PDZD2: variants seen among roughly 807,000 people sequenced by gnomAD.
The protein encoded by PDZD2 is PDZ domain containing 2.
In PDZD2, 90 loss-of-function variants were observed where a neutral mutation model predicts 220.7. The ratio of observed to expected loss-of-function variants is 0.41; its 90% CI spans 0.34 to 0.49. PDZD2 has a LOEUF of 0.49. Ranked by LOEUF, PDZD2 falls within the 20% of genes least tolerant of loss-of-function variation. The probability of loss-of-function intolerance (pLI) is 0.28; values close to 1 mark genes in which losing one functional copy is unlikely to be tolerated. For synonymous variants in PDZD2, 1,375 were observed against 1,450.5 expected, an observed-to-expected ratio of 0.95 and a Z score of 1.18; for missense variants, 3,174 against 3,608.5, an observed-to-expected ratio of 0.88 and a Z score of 3.08.
At chr5:31,866,264 GT>G (rs1275610399) in intron 2 of PDZD2, among the ~76,000 whole-genome samples, 1 of 152,068 alleles carries the variant, frequency 6.6e-6, no homozygotes, top group Non-Finnish European at 1.5e-5. Flanking sequence ...CTCTGAAATT[GT>G]TGGGATTACA....
intron 1 of PDZD2, among the ~76,000 whole-genome samples, chr5:31,680,955 A>T (rs936127568): frequency 1.3e-5 from 2 of 152,116 alleles, no homozygotes; most frequent in Admixed American, 1.3e-4. Context: ...GACTGTGGAC[A>T]CCCATTCTGG....
Position 32,087,136 on chromosome 5 carries a change from G to A in PDZD2, c.3688G>A (p.Asp1230Asn). 6.2e-7 allele frequency: 1 copy of A among 1,602,828 alleles called. No homozygotes were observed. Among genetic ancestry groups the A allele is most frequent in the South Asian group, 1.1e-5 (1 of 90,562 alleles). ...TGTTTACGTTCCCCACGTAGAACTG[G>A]ACAGCTCCTCAGACCTCATCTCTTC... ...ELGQQPMTEL[D>N]SSSDLISSPG... Residue 1230 changes from aspartate to asparagine, a missense_variant, in exon 20 of 25, where the codon GAC becomes AAC. Physicochemically the swap from Asp to Asn is conservative, Grantham distance 23. Around this residue, in one of 4 missense-constraint regions of PDZD2, gnomAD observed 1,861 missense variants for 2,001.0 expected, o/e 0.93. Coordinates refer to ENST00000438447, the MANE Select transcript of PDZD2 (RefSeq NM_178140.4). The surrounding 1 kb of genome is among the most constrained non-coding windows in gnomAD (Gnocchi z 4.0).
At chr5:32,008,412 C>A (rs1000319057) in intron 5 of PDZD2, among the ~76,000 whole-genome samples, 5 of 151,610 alleles carry the variant, frequency 3.3e-5, no homozygotes, top group Non-Finnish European at 7.4e-5. Context: ...CCCCAAGTAG[C>A]TGGGATTACA....
intron 2 of PDZD2, among the ~76,000 whole-genome samples, chr5:31,885,505 A>C (rs1740378853): frequency 6.6e-6 from 1 of 152,234 alleles, no homozygotes; most frequent in Admixed American, 6.5e-5. Flanking sequence ...AAATGGGGAC[A>C]AATGAAAACT....
At chr5:31,958,217 G>A (rs1186728234) in intron 2 of PDZD2, among the ~76,000 whole-genome samples, 1 of 151,700 alleles carries the variant, frequency 6.6e-6, no homozygotes, top group Non-Finnish European at 1.5e-5. Flanking sequence ...GGCATCATTT[G>A]TGAAATAGAG....
Position 32,024,703 on chromosome 5 carries a change from A to AAAGAAAG in PDZD2, c.1408-12526_1408-12525insGAAAGAA, listed in dbSNP as rs1561378486. Among the ~76,000 whole-genome samples the AAAGAAAG allele has an allele frequency of 1.4e-4, 19 of 140,282 alleles. 1 individual carries two copies. Among genetic ancestry groups the AAAGAAAG allele is most frequent in the South Asian group, 2.3e-4 (1 of 4,438 alleles). 92.0% of individuals were successfully genotyped at this position (140,282 alleles called of 152,430 possible). ...ATCTCAAAAAAAAAAAGAAAGAAAA[A>AAAGAAAG]AAAGAAAAGGAAAGAAAGAAACGTG... On this transcript the variant is annotated intron_variant, in intron 6 of 24. Coordinates refer to ENST00000438447, the MANE Select transcript of PDZD2 (RefSeq NM_178140.4).
At chr5:31,893,412 A>AT (rs1741243170) in intron 2 of PDZD2, among the ~76,000 whole-genome samples, 1 of 152,144 alleles carries the variant, frequency 6.6e-6, no homozygotes, top group African/African-American at 2.4e-5. Flanking sequence ...CTCTACAAAA[A>AT]ACAAAAATTA....
intron 2 of PDZD2, among the ~76,000 whole-genome samples, chr5:31,877,825 G>C (rs1739447935): frequency 6.6e-6 from 1 of 152,096 alleles, no homozygotes; most frequent in Non-Finnish European, 1.5e-5. Context: ...GAGCAGCTGG[G>C]ATTACAGGTG....
intron 2 of PDZD2, among the ~76,000 whole-genome samples, chr5:31,830,942 G>T (rs557466422): frequency 1.1e-4 from 17 of 152,314 alleles, no homozygotes; most frequent in Non-Finnish European, 2.4e-4. Context: ...TTCTGAAGTT[G>T]CTTCTTCTGA....
At chr5:32,094,534 G>A (rs914127109) in intron 21 of PDZD2, among the ~76,000 whole-genome samples, 3 of 152,032 alleles carry the variant, frequency 2.0e-5, no homozygotes, top group Non-Finnish European at 2.9e-5. Context: ...GAGGCGAGGA[G>A]AGAGGTTGGA....
chr5:31,731,986 T>C (rs1046073372), intron 1 of PDZD2, among the ~76,000 whole-genome samples: 2 of 152,232 alleles, frequency 1.3e-5, no homozygotes, highest in Non-Finnish European at 2.9e-5. Flanking sequence ...TTTGCTAGGA[T>C]CATGAAATCT....
chr5:31,831,782 C>T (rs546131018), intron 2 of PDZD2, among the ~76,000 whole-genome samples: 5 of 147,590 alleles, frequency 3.4e-5, no homozygotes, highest in South Asian at 4.3e-4. Context: ...GGCGTGGTGG[C>T]GCTCACCTGT....
intron 1 of PDZD2, among the ~76,000 whole-genome samples, chr5:31,703,973 CTCTT>C (rs1008362436): frequency 6.7e-6 from 1 of 148,840 alleles, no homozygotes; most frequent in Non-Finnish European, 1.5e-5. Flanking sequence ...CTCTCTCTCT[CTCTT>C]TCTTTCCTTT....
In PDZD2 at chr5:31,937,525, G is replaced by A. The variant is rs567618632; in HGVS notation, c.477-45630G>A. On this transcript the variant is annotated intron_variant, in intron 2 of 24. Coordinates refer to ENST00000438447, the MANE Select transcript of PDZD2 (RefSeq NM_178140.4). ...CTCATGCTGTGGTCATCCTCATGCC[G>A]TGGTGGCCACGTTTTGTGGCTTTGC... is the stretch of plus-strand genomic sequence containing the variant. Among the ~76,000 whole-genome samples, 8 of 152,320 alleles carry A rather than the reference G, an allele frequency of 5.3e-5. No homozygotes were observed. The South Asian group carries it at 1.0e-3, about 20-fold the overall frequency.
At position 31,712,412 on chromosome 5, in the gene PDZD2, C is replaced by T. The variant is rs529723334; in HGVS notation, c.-361+72975C>T. Among the ~76,000 whole-genome samples, 63 of 151,552 alleles carry T rather than the reference C, an allele frequency of 4.2e-4. 2 individuals are homozygous for T. The South Asian group carries it at 4.4e-3, about 11-fold the overall frequency. ...GAGACCTTGGCAATGAAGAGCTGGA[C>T]GACTGGGTTCAGCTGGGGCACTGGG... On this transcript the variant is annotated intron_variant, in intron 1 of 24. Transcript: ENST00000438447.
Position 32,090,079 on chromosome 5 carries a change from C to T in PDZD2, c.6631C>T (p.His2211Tyr), listed in dbSNP as rs539586729. 1.3e-5 allele frequency: 21 copies of T among 1,613,694 alleles called. No homozygotes were observed. In the African/African-American group the frequency reaches 2.7e-4, roughly 20 times the overall value. ...TCCAGGGGGCCCCTCGGGGGAGGAC[C>T]ATCTCTACTTCACCCCAAGGCCAGC... Reference protein sequence around the residue: ...SIPGGPSGEDHLYFTPRPATR... With the variant: ...SIPGGPSGEDYLYFTPRPATR... The change falls in exon 20 of 25, where the codon CAT (histidine) becomes TAT (tyrosine). Residue 2211 changes from histidine to tyrosine, a missense_variant. Coordinates refer to ENST00000438447, the MANE Select transcript of PDZD2 (RefSeq NM_178140.4). This position sits in a 1 kb window ranked among gnomAD's most constrained non-coding sequence, Gnocchi z 4.3.
chr5:31,730,181 C>G (rs1200343236), intron 1 of PDZD2, among the ~76,000 whole-genome samples: 7 of 152,144 alleles, frequency 4.6e-5, no homozygotes, highest in African/African-American at 1.7e-4. Flanking sequence ...CTCCTATGTA[C>G]TTCTAGCAAG....
chr5:31,680,085 T>A (rs1202930515), intron 1 of PDZD2, among the ~76,000 whole-genome samples: 2 of 152,246 alleles, frequency 1.3e-5, no homozygotes, highest in African/African-American at 4.8e-5. Flanking sequence ...TGCCTCGCAT[T>A]CATGAAATGA....
In PDZD2 at chr5:32,036,121, G is replaced by A. The variant is rs190321403; in HGVS notation, c.1408-1110G>A. 6.7e-3 allele frequency among the ~76,000 whole-genome samples: 1,023 copies of A among 152,024 alleles called. 7 individuals are homozygous for A. Among genetic ancestry groups the A allele is most frequent in the Non-Finnish European group, 9.5e-3 (649 of 67,966 alleles). ...ACCATGCCCGGCTAATTTCACACCC[G>A]GCTAATTTTTTGTATTTTTAGTAGA... On this transcript the variant is annotated intron_variant, in intron 6 of 24. Transcript: ENST00000438447.
Sources: gnomAD v4.1 joint callset for allele counts (sites outside exome capture counted in the v4.1 genomes callset) on GRCh38, gnomAD v4.1.1 for gene constraint, gnomAD v4.1.1 regional missense constraint, Gnocchi (gnomAD v3.1) non-coding constraint, MANE v1.5 for transcripts, NCBI Gene and HGNC (gene_info 2026-07-23, HGNC 2026-07-21) for gene names.